Variants in CNTNAP2 observed in about 807,000 individuals in gnomAD.
CNTNAP2 encodes the protein contactin-associated protein-like 2.
Under a neutral mutation model 155.2 loss-of-function variants are expected in CNTNAP2, and 98 were observed. The observed-to-expected ratio is 0.63, with a 90% confidence interval of 0.54 to 0.75. The LOEUF is 0.75. CNTNAP2 is among the 30% of genes least tolerant of loss of function. The pLI, the probability that CNTNAP2 is intolerant of heterozygous loss-of-function variation, is 0.00. For missense variants in CNTNAP2, 1,727 were observed against 1,688.1 expected (o/e 1.02, Z -0.40); for synonymous variants, 651 against 631.2 (o/e 1.03, Z -0.47).
chr7:146,986,310 G>A (rs1347841280), intron 3 of CNTNAP2, among the ~76,000 whole-genome samples: 1 of 152,118 alleles, frequency 6.6e-6, no homozygotes, highest in East Asian at 1.9e-4. Context: ...ATATCGTCCA[G>A]GTTGCTGTGA....
In CNTNAP2 at chr7:146,849,622, C is replaced by T. The variant is rs545260018; in HGVS notation, c.402+9718C>T. 4.5e-4 allele frequency among the ~76,000 whole-genome samples: 68 copies of T among 152,052 alleles called. No homozygotes were observed. The South Asian group carries it at 4.6e-3, about 10-fold the overall frequency. On this transcript the variant is annotated intron_variant, in intron 3 of 23. Coordinates refer to ENST00000361727, the MANE Select transcript of CNTNAP2 (RefSeq NM_014141.6). ...GTCTTAGTTGCCTTAGGTGTAAAAG[C>T]GATATAATTGTATTTACCTTATGCG...
chr7:146,261,134 G>C (rs940911735), intron 1 of CNTNAP2, among the ~76,000 whole-genome samples: 1 of 152,090 alleles, frequency 6.6e-6, no homozygotes, highest in East Asian at 1.9e-4. Context: ...TTTGCCTTCT[G>C]CCATGATTGT....
intron 3 of CNTNAP2, among the ~76,000 whole-genome samples, chr7:147,004,386 T>C (rs2129242014): frequency 6.6e-6 from 1 of 152,030 alleles, no homozygotes; most frequent in African/African-American, 2.4e-5. Context: ...ATAATTGACC[T>C]TGTAGAAAAA....
intron 11 of CNTNAP2, among the ~76,000 whole-genome samples, chr7:147,489,307 C>G (rs1282668006): frequency 1.3e-5 from 2 of 152,164 alleles, no homozygotes; most frequent in Non-Finnish European, 2.9e-5. Context: ...GAGTAGACAA[C>G]TCAATCCCAC....
At chr7:148,310,567 C>CT (rs1303606796) in intron 21 of CNTNAP2, among the ~76,000 whole-genome samples, 2 of 151,820 alleles carry the variant, frequency 1.3e-5, no homozygotes, top group Non-Finnish European at 2.9e-5. Flanking sequence ...TGGAATAACT[C>CT]TTTTTTGTCG....
chr7:147,062,127 C>CAAAAAAAAAAAAAA (rs869125044), intron 4 of CNTNAP2, among the ~76,000 whole-genome samples: 16 of 44,938 alleles, frequency 3.6e-4, no homozygotes, highest in Non-Finnish European at 4.0e-4. Context: ...GACTCCGTCT[C>CAAAAAAAAAAAAAA]AAAAAAAAAA....
intron 15 of CNTNAP2, among the ~76,000 whole-genome samples, chr7:148,063,164 G>A (rs934650997): frequency 3.3e-5 from 5 of 151,934 alleles, no homozygotes; most frequent in African/African-American, 7.2e-5. Flanking sequence ...TATTTTAAAG[G>A]TGTGGTCCTA....
chr7:147,890,667 T>C lies in CNTNAP2; in HGVS notation c.2099-12898T>C, dbSNP rs542566679. Among the ~76,000 whole-genome samples, 138 of 152,238 alleles carry C rather than the reference T, an allele frequency of 9.1e-4. 3 individuals are homozygous for C. In the South Asian group the frequency reaches 0.028, roughly 31 times the overall value. On this transcript the variant is annotated intron_variant, in intron 13 of 23. Coordinates refer to ENST00000361727, the MANE Select transcript of CNTNAP2 (RefSeq NM_014141.6). ...GTGATTTCTGGAACACAGAAGAACA[T>C]AGAATACATTATGTTGAGTGAAATG...
At chr7:146,429,351 C>T (rs959126964) in intron 1 of CNTNAP2, among the ~76,000 whole-genome samples, 2 of 151,976 alleles carry the variant, frequency 1.3e-5, no homozygotes, top group Non-Finnish European at 2.9e-5. Flanking sequence ...ATTGATTCTT[C>T]CTATTCATGA....
At chr7:147,471,790 G>A (rs541999076) in intron 10 of CNTNAP2, among the ~76,000 whole-genome samples, 47 of 152,312 alleles carry the variant, frequency 3.1e-4, no homozygotes, top group African/African-American at 1.1e-3. Flanking sequence ...TTACAGGTCA[G>A]TGAATAAGAC....
rs55950116 is a variant in CNTNAP2, at chr7:147,572,701, A to AACACACAC, written c.1897+10470_1897+10477dup. Among the ~76,000 whole-genome samples, 774 of 149,084 alleles carry AACACACAC rather than the reference A, an allele frequency of 5.2e-3. 6 individuals carry two copies. Among genetic ancestry groups the AACACACAC allele is most frequent in the African/African-American group, 0.017 (706 of 40,598 alleles). ...AATCAACTATTCAAACAGGATGGGA[A>AACACACAC]ACACACACACACACACACACACACA... is the stretch of plus-strand genomic sequence containing the variant. On this transcript the variant is annotated intron_variant, in intron 12 of 23. Transcript: ENST00000361727.
chr7:147,547,926 A>G (rs1799773137), intron 11 of CNTNAP2, among the ~76,000 whole-genome samples: 1 of 152,114 alleles, frequency 6.6e-6, no homozygotes, highest in African/African-American at 2.4e-5. Context: ...TGTCCCTGAA[A>G]AGGACATAAT....
chr7:146,390,752 T>A (rs1218366215), intron 1 of CNTNAP2, among the ~76,000 whole-genome samples: 2 of 147,272 alleles, frequency 1.4e-5, no homozygotes, highest in Admixed American at 6.9e-5. Flanking sequence ...TAATATATAT[T>A]ATTATATTAT....
chr7:147,291,524 T>A (rs1805311986), intron 8 of CNTNAP2, among the ~76,000 whole-genome samples: 1 of 152,184 alleles, frequency 6.6e-6, no homozygotes, highest in South Asian at 2.1e-4. Context: ...TTAGCAATAT[T>A]TCCTTGTTTG....
chr7:147,511,377 C>A (rs1799017737), intron 11 of CNTNAP2, among the ~76,000 whole-genome samples: 1 of 151,480 alleles, frequency 6.6e-6, no homozygotes, highest in African/African-American at 2.4e-5. Flanking sequence ...CTATTTAATT[C>A]TTCATTTCTT....
At chr7:146,926,543 G>C (rs945911821) in intron 3 of CNTNAP2, among the ~76,000 whole-genome samples, 3 of 152,106 alleles carry the variant, frequency 2.0e-5, no homozygotes, top group Non-Finnish European at 4.4e-5. Flanking sequence ...GTTGTGGAAT[G>C]AATGAATGAA....
At chr7:147,205,253 T>C (rs2116558791) in intron 8 of CNTNAP2, among the ~76,000 whole-genome samples, 1 of 152,192 alleles carries the variant, frequency 6.6e-6, no homozygotes, top group East Asian at 1.9e-4. Flanking sequence ...CCTCCCTCCT[T>C]CTAAGTCTCC....
intron 3 of CNTNAP2, among the ~76,000 whole-genome samples, chr7:146,962,023 A>G (rs12703865): frequency 0.24 from 36,098 of 152,008 alleles, 5,243 homozygotes; most frequent in Non-Finnish European, 0.32. Flanking sequence ...CCAGTTACGC[A>G]GTGGTTACTT....
intron 3 of CNTNAP2, among the ~76,000 whole-genome samples, chr7:146,978,608 A>G (rs1176006309): frequency 6.6e-6 from 1 of 152,102 alleles, no homozygotes; most frequent in Admixed American, 6.6e-5. Context: ...AGTTAAATGT[A>G]TATATTCATC....
Sources: gnomAD v4.1 joint callset for allele counts (sites outside exome capture counted in the v4.1 genomes callset) on GRCh38, gnomAD v4.1.1 for gene constraint, MANE v1.5 for transcripts, NCBI Gene and HGNC (gene_info 2026-07-23, HGNC 2026-07-21) for gene names.